The following DOCK3 variants were observed in gnomAD, a reference collection of about 807,000 sequenced individuals.
DOCK3 encodes dedicator of cytokinesis protein 3.
DOCK3 carries 60 observed loss-of-function variants against 265.6 expected under a neutral mutation model. The observed-to-expected ratio is 0.23, with a 90% CI of 0.18 to 0.28. The LOEUF (loss-of-function observed/expected upper bound fraction) is 0.28, where lower values mean the gene tolerates loss of function less well. DOCK3 is among the 10% of genes least tolerant of loss of function. The pLI is 1.00. For missense variants in DOCK3, 1,981 were observed against 2,594.3 expected, an observed-to-expected ratio of 0.76 and a Z score of 5.14; for synonymous variants, 881 against 938.0, an observed-to-expected ratio of 0.94 and a Z score of 1.11.
At chr3:50,889,073 G>A (rs898756090) in intron 3 of DOCK3, among the ~76,000 whole-genome samples, 27 of 136,134 alleles carry the variant, frequency 2.0e-4, no homozygotes, top group Non-Finnish European at 4.0e-4. Context: ...ATGGGTGTGT[G>A]TGTGTGTGTG....
chr3:50,868,275 T>A (rs1321355984), intron 3 of DOCK3, among the ~76,000 whole-genome samples: 2 of 152,146 alleles, frequency 1.3e-5, no homozygotes, highest in Non-Finnish European at 2.9e-5. Context: ...GGTTTCACCA[T>A]GTTGGCCAGG....
In DOCK3 at chr3:50,675,306, TG is replaced by T; in HGVS notation, c.37+7del. ...GGAGGAGAAATACGGCGTAGGTAGG[TG>T]AGGCTCAGGCCTGGCCGTGGCGGGG... On this transcript the variant is annotated splice_region_variant and intron_variant, in intron 1 of 52. Transcript: ENST00000266037. The surrounding 1 kb of genome is among the most constrained non-coding windows in gnomAD (Gnocchi z 6.1). 7.9e-7 allele frequency: 1 copy of T among 1,270,182 alleles called. No individual in the cohort carries two copies. Among genetic ancestry groups the T allele is most frequent in the Non-Finnish European group, 1.0e-6 (1 of 993,750 alleles). The allele number at this position is 1,270,182 out of a possible 1,614,324, so 78.7% of individuals were successfully genotyped here. A position where few individuals can be genotyped will look rare whatever the true frequency, so the allele number is the denominator to read the frequency against.
intron 9 of DOCK3, among the ~76,000 whole-genome samples, chr3:51,126,039 C>T (rs1356693166): frequency 6.6e-6 from 1 of 152,138 alleles, no homozygotes; most frequent in African/African-American, 2.4e-5. Context: ...ATCGTGTTAT[C>T]GGTGATTTGC....
intron 27 of DOCK3, among the ~76,000 whole-genome samples, chr3:51,280,693 G>A (rs535855252): frequency 6.6e-6 from 1 of 152,180 alleles, no homozygotes; most frequent in Admixed American, 6.5e-5. Context: ...AGCACTGAGG[G>A]TCTTATTTTT....
At chr3:50,787,056 G>A (rs2042220908) in intron 2 of DOCK3, 1 of 736,788 alleles carries the variant, frequency 1.4e-6, no homozygotes, top group African/African-American at 1.7e-5. Context: ...TCATATCCAT[G>A]GACGATCTTG....
At chr3:51,180,378 A>G (rs941216532) in intron 12 of DOCK3, among the ~76,000 whole-genome samples, 1 of 152,142 alleles carries the variant, frequency 6.6e-6, no homozygotes, top group African/African-American at 2.4e-5. Flanking sequence ...ACAGAAATTC[A>G]TTCTCACAGT....
chr3:51,212,569 G>A (rs1284507202), intron 13 of DOCK3, among the ~76,000 whole-genome samples: 1 of 151,404 alleles, frequency 6.6e-6, no homozygotes, highest in East Asian at 2.0e-4. Context: ...GATATGATTT[G>A]ATAGCTACGT....
intron 1 of DOCK3, among the ~76,000 whole-genome samples, chr3:50,676,005 A>G (rs377740162): frequency 6.6e-6 from 1 of 152,358 alleles, no homozygotes; most frequent in East Asian, 1.9e-4. Context: ...TTCTTTAAAA[A>G]GAATATTCAG....
At chr3:50,982,679 A>G (rs1324903125) in intron 5 of DOCK3, among the ~76,000 whole-genome samples, 3 of 152,208 alleles carry the variant, frequency 2.0e-5, no homozygotes, top group African/African-American at 7.2e-5. Flanking sequence ...AGCGGGAGCC[A>G]GGGACAAGTG....
At position 51,220,656 on chromosome 3, in the gene DOCK3, CAA is replaced by C. The variant is rs5848918; in HGVS notation, c.1253-4979_1253-4978del. 3.8e-3 allele frequency among the ~76,000 whole-genome samples: 382 copies of C among 99,756 alleles called. 4 individuals are homozygous for C. Among genetic ancestry groups the C allele is most frequent in the African/African-American group, 0.011 (240 of 21,622 alleles). The allele number at this position is 99,756 out of a possible 152,430, so 65.4% of individuals were successfully genotyped here. ...TTGGCAACAGAGCAAGACTCCATCT[CAA>C]AAAAAAAAAAAAATATATATATATA... On this transcript the variant is annotated intron_variant, in intron 14 of 52. Coordinates refer to ENST00000266037, the MANE Select transcript of DOCK3 (RefSeq NM_004947.5).
chr3:50,948,038 T>G (rs1370334701), intron 5 of DOCK3, among the ~76,000 whole-genome samples: 5 of 143,154 alleles, frequency 3.5e-5, no homozygotes, highest in African/African-American at 1.3e-4. Context: ...ATTATTATTA[T>G]TATTATTATT....
At chr3:50,907,010 T>G (rs1471195963) in intron 4 of DOCK3, among the ~76,000 whole-genome samples, 2 of 152,136 alleles carry the variant, frequency 1.3e-5, no homozygotes, top group East Asian at 1.9e-4. Context: ...CATTTTGTTA[T>G]GTACCCAGTA....
chr3:51,225,683 G>A lies in DOCK3; in HGVS notation c.1287G>A (p.Glu429=), dbSNP rs2090299307. The stretch of plus-strand genomic sequence containing the variant: ...GCAATGACCTGTACCTAACCCTGGA[G>A]AAGGGGGATTTCGAGAGAGGAGGAA... The part of the protein sequence containing the change: ...DIRNDLYLTL[E]KGDFERGGKS... The change falls in exon 15 of 53, where the codon GAG becomes GAA. Residue 429 remains glutamate, a synonymous_variant. Coordinates refer to ENST00000266037, the MANE Select transcript of DOCK3 (RefSeq NM_004947.5). 2.5e-6 allele frequency: 4 copies of A among 1,613,778 alleles called. No individual in the cohort carries two copies. The highest frequency in any genetic ancestry group is 3.4e-6 in the Non-Finnish European group (4 of 1,179,740).
chr3:50,822,896 A>G (rs1030362109), intron 2 of DOCK3, among the ~76,000 whole-genome samples: 2 of 152,202 alleles, frequency 1.3e-5, no homozygotes, highest in Non-Finnish European at 2.9e-5. Context: ...GATTATATGG[A>G]GAATTGACAT....
chr3:50,828,156 G>A (rs936980713), intron 2 of DOCK3, among the ~76,000 whole-genome samples: 9 of 151,576 alleles, frequency 5.9e-5, no homozygotes, highest in Non-Finnish European at 1.0e-4. Flanking sequence ...CTCGAACTCC[G>A]GACCTCAATT....
intron 5 of DOCK3, among the ~76,000 whole-genome samples, chr3:50,992,599 G>C (rs1361499911): frequency 6.6e-6 from 1 of 152,158 alleles, no homozygotes; most frequent in African/African-American, 2.4e-5. Flanking sequence ...GCCCAGCCCA[G>C]GAGTTGTTTG....
intron 1 of DOCK3, among the ~76,000 whole-genome samples, chr3:50,748,318 G>C (rs1314917638): frequency 6.6e-6 from 1 of 152,092 alleles, no homozygotes; most frequent in African/African-American, 2.4e-5. Context: ...TGTGGTTTCT[G>C]AGTTTAGAGG....
chr3:51,274,104 C>T (rs142453499), intron 24 of DOCK3, among the ~76,000 whole-genome samples: 9 of 152,174 alleles, frequency 5.9e-5, no homozygotes, highest in Non-Finnish European at 1.2e-4. Context: ...ATAGTCAGCT[C>T]CTGATGAAAG....
At chr3:51,256,596 T>G (rs1189647008) in intron 22 of DOCK3, among the ~76,000 whole-genome samples, 1 of 149,122 alleles carries the variant, frequency 6.7e-6, no homozygotes, top group African/African-American at 2.5e-5. Flanking sequence ...CGTTTTTGTT[T>G]TTTTTTTTTT....
Sources: allele counts gnomAD v4.1 joint callset (sites outside exome capture counted in the v4.1 genomes callset), GRCh38; gene constraint gnomAD v4.1.1; non-coding constraint Gnocchi (gnomAD v3.1); transcripts MANE v1.5; gene names NCBI Gene and HGNC (gene_info 2026-07-23, HGNC 2026-07-21).